The following LGR5 variants were observed in gnomAD, a reference collection of about 807,000 sequenced individuals.
The protein encoded by LGR5 is leucine-rich repeat-containing G protein-coupled receptor 5.
LGR5 carries 54 observed loss-of-function variants against 76.7 expected under a neutral mutation model. That is an observed-to-expected ratio of 0.70 (90% CI 0.57 to 0.88). LGR5 has a LOEUF of 0.88. Among genes scored for constraint, LGR5 ranks in the 40% least tolerant of loss-of-function variants. LGR5 has a pLI of 0.00. For missense variants in LGR5, 1,078 were observed against 1,073.3 expected (o/e 1.00, Z -0.06); for synonymous variants, 406 against 421.9 (o/e 0.96, Z 0.46).
intron 3 of LGR5, among the ~76,000 whole-genome samples, chr12:71,532,613 A>G (rs1168503118): frequency 6.6e-6 from 1 of 151,806 alleles, no homozygotes; most frequent in African/African-American, 2.4e-5. Flanking sequence ...ATTTATATAC[A>G]TAAAAGTACT....
At chr12:71,524,559 T>A in intron 3 of LGR5, 82 bp downstream of exon 3, 1 of 896,164 alleles carries the variant, frequency 1.1e-6, no homozygotes, top group South Asian at 1.4e-5. Context: ...GCTGAGTGTC[T>A]CTAATACACT....
chr12:71,511,378 A>G (rs576240559), intron 2 of LGR5, among the ~76,000 whole-genome samples: 1 of 152,270 alleles, frequency 6.6e-6, no homozygotes, highest in Non-Finnish European at 1.5e-5. Flanking sequence ...CCCCACCCCA[A>G]CCTGGTAAAT....
At chr12:71,448,782 TTGAGTGA>T (rs1872129054) in intron 1 of LGR5, 1 of 152,264 alleles carries the variant, frequency 6.6e-6, no homozygotes, top group Non-Finnish European at 1.5e-5. Context: ...ACAGTATTTG[TTGAGTGA>T]ATCTACAAAG....
At chr12:71,447,508 T>G (rs575147410) in intron 1 of LGR5, among the ~76,000 whole-genome samples, 1 of 152,350 alleles carries the variant, frequency 6.6e-6, no homozygotes, top group South Asian at 2.1e-4. Flanking sequence ...AGCTTTTTAC[T>G]GACTTAACAA....
At chr12:71,567,283 T>C (rs1878396517) in intron 11 of LGR5, 107 of 214,016 alleles carry the variant, frequency 5.0e-4, no homozygotes, top group South Asian at 2.4e-3. Flanking sequence ...AATCAAAAAC[T>C]GAGATCTCAG....
At chr12:71,439,728 G>T, upstream of LGR5, 1 of 249,800 alleles carries the variant, frequency 4.0e-6, no homozygotes. Context: ...AAGCCAGGCT[G>T]CGCTGACGTC....
intron 1 of LGR5, among the ~76,000 whole-genome samples, chr12:71,465,291 C>A (rs1872819299): frequency 6.6e-6 from 1 of 152,144 alleles, no homozygotes; most frequent in East Asian, 1.9e-4. Flanking sequence ...TGCCATTGTT[C>A]TTAGGAGAAT....
chr12:71,548,019 T>C (rs1276405988), intron 4 of LGR5, among the ~76,000 whole-genome samples: 2 of 152,164 alleles, frequency 1.3e-5, no homozygotes, highest in Non-Finnish European at 2.9e-5. Context: ...CTATTTCCGA[T>C]ATAGTGATCA....
intron 1 of LGR5, among the ~76,000 whole-genome samples, chr12:71,470,615 G>C (rs11178813): frequency 0.069 from 10,502 of 152,226 alleles, 404 homozygotes; most frequent in African/African-American, 0.093. Context: ...TTAAGTTACT[G>C]TCCTTATAGC....
chr12:71,448,718 C>T (rs1042413897), intron 1 of LGR5: 4 of 152,110 alleles, frequency 2.6e-5, no homozygotes, highest in Non-Finnish European at 5.9e-5. Context: ...TGTTATATTC[C>T]TTAATGAACT....
intron 3 of LGR5, among the ~76,000 whole-genome samples, chr12:71,530,762 C>T (rs1383939459): frequency 6.6e-6 from 1 of 152,060 alleles, no homozygotes; most frequent in Non-Finnish European, 1.5e-5. Flanking sequence ...AAACCAAAGC[C>T]ACATGGAGGT....
chr12:71,441,240 G>T (rs533020818), intron 1 of LGR5, among the ~76,000 whole-genome samples: 1 of 152,096 alleles, frequency 6.6e-6, no homozygotes, highest in African/African-American at 2.4e-5. Flanking sequence ...GGGTGAACGC[G>T]GTGACCCAGG....
At chr12:71,578,075 T>C (rs1345432111) in intron 14 of LGR5, 79 bp downstream of exon 14, 6 of 1,113,374 alleles carry the variant, frequency 5.4e-6, no homozygotes, top group Middle Eastern at 2.0e-4. Flanking sequence ...GTTGGTTTTG[T>C]TGAAGAAGCT....
rs552695741 is a variant in LGR5, at chr12:71,466,244, C to T, written c.212+25952C>T. Among the ~76,000 whole-genome samples, 50 of 152,254 alleles carry T rather than the reference C, an allele frequency of 3.3e-4. No individual in the cohort carries two copies. In the South Asian group the frequency reaches 8.7e-3, roughly 27 times the overall value. On this transcript the variant is annotated intron_variant, in intron 1 of 17. Coordinates refer to ENST00000266674, the MANE Select transcript of LGR5 (RefSeq NM_003667.4). ...CTTCTTTCTGAATCAAGAGTCAAAT[C>T]GAAGGAGCAAGGAGGATTATGAAAT...
chr12:71,515,630 A>C (rs1875397403), intron 2 of LGR5, among the ~76,000 whole-genome samples: 1 of 152,178 alleles, frequency 6.6e-6, no homozygotes. Context: ...AGAATGGAAA[A>C]AGAGGGAAAA....
intron 2 of LGR5, among the ~76,000 whole-genome samples, chr12:71,518,873 C>T (rs1311633107): frequency 6.6e-6 from 1 of 152,164 alleles, no homozygotes; most frequent in African/African-American, 2.4e-5. Flanking sequence ...GGAAAAATAA[C>T]TAATGGGTAC....
rs73138543 is a variant in LGR5, at chr12:71,463,690, A to C, written c.212+23398A>C. ...CCAATTTACGATAGTACTACAGAAA[A>C]TATTAACACAAGGTAATTGATCATT... is the stretch of plus-strand genomic sequence containing the variant. On this transcript the variant is annotated intron_variant, in intron 1 of 17. Coordinates refer to ENST00000266674, the MANE Select transcript of LGR5 (RefSeq NM_003667.4). 4.8e-3 allele frequency among the ~76,000 whole-genome samples: 736 copies of C among 152,274 alleles called. 4 individuals carry two copies. Among genetic ancestry groups the C allele is most frequent in the Non-Finnish European group, 7.8e-3 (532 of 68,022 alleles).
At chr12:71,509,604 G>A (rs1369220936) in intron 2 of LGR5, among the ~76,000 whole-genome samples, 1 of 152,174 alleles carries the variant, frequency 6.6e-6, no homozygotes, top group Non-Finnish European at 1.5e-5. Flanking sequence ...GAGTGTAGTA[G>A]AGATGTTGGG....
At chr12:71,548,966 G>C (rs1478119329) in intron 4 of LGR5, among the ~76,000 whole-genome samples, 3 of 152,186 alleles carry the variant, frequency 2.0e-5, no homozygotes, top group Non-Finnish European at 4.4e-5. Context: ...TATTTTATAT[G>C]TGTATGTCTT....
Sources: allele counts gnomAD v4.1 joint callset (sites outside exome capture counted in the v4.1 genomes callset), GRCh38; gene constraint gnomAD v4.1.1; transcripts MANE v1.5; gene names NCBI Gene and HGNC (gene_info 2026-07-23, HGNC 2026-07-21).